The following SCN11A variants were observed in gnomAD, a reference collection of about 807,000 sequenced individuals.
The protein encoded by SCN11A is sodium channel protein type 11 subunit alpha.
A neutral mutation model predicts 162.2 loss-of-function variants in SCN11A; 122 were observed. That is an observed-to-expected ratio of 0.75 (90% CI 0.65 to 0.87). SCN11A has a LOEUF of 0.87. SCN11A is among the 40% of genes least tolerant of loss of function. The pLI, the probability that SCN11A is intolerant of heterozygous loss-of-function variation, is 0.00. For synonymous variants in SCN11A, 758 were observed against 751.5 expected, an observed-to-expected ratio of 1.01 and a Z score of -0.14; for missense variants, 2,015 against 2,181.6, an observed-to-expected ratio of 0.92 and a Z score of 1.52.
chr3:38,933,785 G>A (rs1416066796), intron 7 of SCN11A, among the ~76,000 whole-genome samples: 1 of 152,228 alleles, frequency 6.6e-6, no homozygotes, highest in East Asian at 1.9e-4. Flanking sequence ...ATGGAACCAA[G>A]TTGGAAAACA....
intron 17 of SCN11A, among the ~76,000 whole-genome samples, chr3:38,899,383 C>A (rs2065658049): frequency 6.6e-6 from 1 of 152,136 alleles, no homozygotes; most frequent in South Asian, 2.1e-4. Context: ...GGATAGCAGG[C>A]AAAGACTACA....
intron 28 of SCN11A, among the ~76,000 whole-genome samples, chr3:38,861,530 G>A (rs1162350809): frequency 1.3e-5 from 2 of 152,052 alleles, no homozygotes; most frequent in Non-Finnish European, 2.9e-5. Context: ...GCATGGTACT[G>A]GTATAAAAAC....
chr3:38,876,643 T>C (rs944311885), intron 23 of SCN11A, among the ~76,000 whole-genome samples: 1 of 152,034 alleles, frequency 6.6e-6, no homozygotes, highest in Non-Finnish European at 1.5e-5. Flanking sequence ...GAAATACAAA[T>C]CATAACCACA....
At chr3:38,871,793 C>T in intron 24 of SCN11A, 85 bp from the exon 25 acceptor site, 1 of 1,123,746 alleles carries the variant, frequency 8.9e-7, no homozygotes, top group South Asian at 1.5e-5. Context: ...GCCTGATGTG[C>T]AGGGCTTGAT....
chr3:39,011,815 T>C (rs9883061), intron 2 of SCN11A, among the ~76,000 whole-genome samples: 2,285 of 152,244 alleles, frequency 0.015, 64 homozygotes, highest in African/African-American at 0.051. Flanking sequence ...TTGCTCTCAA[T>C]TTCCCGTTAA....
At chr3:38,967,835 A>T (rs886191657) in intron 2 of SCN11A, among the ~76,000 whole-genome samples, 7 of 152,216 alleles carry the variant, frequency 4.6e-5, no homozygotes, top group Non-Finnish European at 7.3e-5. Flanking sequence ...CAAAGGCATC[A>T]ACGCCCAACT....
At chr3:38,881,577 G>A (rs1258248497) in intron 22 of SCN11A, among the ~76,000 whole-genome samples, 3 of 152,166 alleles carry the variant, frequency 2.0e-5, no homozygotes, top group African/African-American at 7.2e-5. Context: ...GCCTAGACCA[G>A]AGTTTCTCAA....
At chr3:39,003,081 T>TA in intron 2 of SCN11A, among the ~76,000 whole-genome samples, 1 of 152,212 alleles carries the variant, frequency 6.6e-6, no homozygotes, top group Non-Finnish European at 1.5e-5. Flanking sequence ...GTTATATAGA[T>TA]AAACCCATGT....
intron 2 of SCN11A, among the ~76,000 whole-genome samples, chr3:39,004,619 G>A (rs1375081701): frequency 6.6e-6 from 1 of 152,092 alleles, no homozygotes; most frequent in Non-Finnish European, 1.5e-5. Context: ...GGGCAGTATG[G>A]CCATTTTAAT....
At chr3:38,899,810 T>A (rs2065666524) in intron 17 of SCN11A, 84 bp downstream of exon 17, 5 of 1,091,312 alleles carry the variant, frequency 4.6e-6, no homozygotes, top group Middle Eastern at 2.5e-4. Flanking sequence ...TAAAGTTTAG[T>A]ACAAGATAAC....
intron 2 of SCN11A, among the ~76,000 whole-genome samples, chr3:39,011,420 C>T (rs1250693547): frequency 6.6e-6 from 1 of 152,150 alleles, no homozygotes; most frequent in African/African-American, 2.4e-5. Context: ...TGTCCTTCTC[C>T]AGGGCCCTCA....
intron 1 of SCN11A, among the ~76,000 whole-genome samples, chr3:39,034,104 G>C (rs1330491852): frequency 6.6e-6 from 1 of 152,188 alleles, no homozygotes; most frequent in African/African-American, 2.4e-5. Flanking sequence ...GGAGGTTGCA[G>C]TGAGCCGAGA....
At chr3:38,989,326 T>A (rs1385604001) in intron 2 of SCN11A, among the ~76,000 whole-genome samples, 1 of 152,136 alleles carries the variant, frequency 6.6e-6, no homozygotes, top group African/African-American at 2.4e-5. Context: ...GCCCCAGACA[T>A]CATGGAGCAG....
intron 7 of SCN11A, among the ~76,000 whole-genome samples, chr3:38,928,208 G>A (rs1222885222): frequency 6.6e-6 from 1 of 152,116 alleles, no homozygotes; most frequent in African/African-American, 2.4e-5. Flanking sequence ...ACTCATAGAA[G>A]AAAAATTTGA....
At chr3:38,909,222 T>C in intron 12 of SCN11A, 28 bp from the exon 13 acceptor site, 1 of 1,607,244 alleles carries the variant, frequency 6.2e-7, no homozygotes, top group South Asian at 1.1e-5. Flanking sequence ...TGTTCTTGAA[T>C]ATCAAACCTT....
In SCN11A at chr3:39,003,161, C is replaced by A. The variant is rs537118702; in HGVS notation, c.-280+29219G>T. Among the ~76,000 whole-genome samples, 5 of 152,058 alleles carry A rather than the reference C, an allele frequency of 3.3e-5. No homozygotes were observed. In the East Asian group the frequency reaches 9.6e-4, roughly 29 times the overall value. On this transcript the variant is annotated intron_variant, in intron 2 of 29. Coordinates refer to ENST00000302328, the MANE Select transcript of SCN11A (RefSeq NM_001349253.2). ...GTCCAGTACCGAATAGCTATCATTT[C>A]TTCTCTTCTCCCACTTCCCACCCTC...
At chr3:39,006,535 A>G (rs1351327146) in intron 2 of SCN11A, among the ~76,000 whole-genome samples, 1 of 152,160 alleles carries the variant, frequency 6.6e-6, no homozygotes, top group Non-Finnish European at 1.5e-5. Context: ...AAACCAACCA[A>G]TAGATAAAAG....
intron 2 of SCN11A, among the ~76,000 whole-genome samples, chr3:38,963,917 A>G (rs933182611): frequency 1.3e-5 from 2 of 152,258 alleles, no homozygotes; most frequent in African/African-American, 2.4e-5. Flanking sequence ...CAATTAAGTC[A>G]CATTTAAGTC....
At chr3:38,982,291 A>G (rs1016823973) in intron 2 of SCN11A, among the ~76,000 whole-genome samples, 2 of 152,242 alleles carry the variant, frequency 1.3e-5, no homozygotes, top group African/African-American at 2.4e-5. Flanking sequence ...CTGGACCACT[A>G]CAGGATGCAG....
Sources: allele counts gnomAD v4.1 joint callset (sites outside exome capture counted in the v4.1 genomes callset), GRCh38; gene constraint gnomAD v4.1.1; transcripts MANE v1.5; gene names NCBI Gene and HGNC (gene_info 2026-07-23, HGNC 2026-07-21).